ELOVL5: variants seen among roughly 807,000 people sequenced by gnomAD.
ELOVL5 encodes ELOVL fatty acid elongase 5, also known as very long chain fatty acid elongase 5.
ELOVL5 carries 8 observed loss-of-function variants against 38.6 expected under a neutral mutation model. The observed-to-expected ratio is 0.21, with a 90% CI of 0.12 to 0.37. The LOEUF (loss-of-function observed/expected upper bound fraction) is 0.37, where lower values mean the gene tolerates loss of function less well. Ranked by LOEUF, ELOVL5 falls within the 10% of genes least tolerant of loss-of-function variation. ELOVL5 has a pLI of 1.00. For synonymous variants in ELOVL5, 127 were observed against 133.7 expected (o/e 0.95, Z 0.34); for missense variants, 280 against 367.8 (o/e 0.76, Z 1.95).
intron 1 of ELOVL5, among the ~76,000 whole-genome samples, chr6:53,304,096 A>C (rs1767378555): frequency 6.6e-6 from 1 of 152,144 alleles, no homozygotes; most frequent in Admixed American, 6.5e-5. Flanking sequence ...TAGAGTCCAA[A>C]CTCTTTAACG....
chr6:53,316,090 T>C (rs1363395313), intron 1 of ELOVL5, among the ~76,000 whole-genome samples: 1 of 152,216 alleles, frequency 6.6e-6, no homozygotes, highest in African/African-American at 2.4e-5. Flanking sequence ...TAAAATTGTA[T>C]GAAGTGCTTG....
intron 2 of ELOVL5, among the ~76,000 whole-genome samples, chr6:53,294,810 T>C (rs755409929): frequency 2.6e-5 from 4 of 152,178 alleles, no homozygotes; most frequent in Admixed American, 6.5e-5. Context: ...CATCCTGATA[T>C]GTATCATTGC....
chr6:53,335,425 T>A (rs1239045702), intron 1 of ELOVL5, among the ~76,000 whole-genome samples: 1 of 152,158 alleles, frequency 6.6e-6, no homozygotes, highest in Non-Finnish European at 1.5e-5. Context: ...GAGCCTTTGC[T>A]TCAATACCCT....
At chr6:53,335,516 G>A (rs1243071328) in intron 1 of ELOVL5, among the ~76,000 whole-genome samples, 3 of 151,780 alleles carry the variant, frequency 2.0e-5, no homozygotes, top group Non-Finnish European at 4.4e-5. Flanking sequence ...CCACCAGTCT[G>A]ATTTAGGTGT....
chr6:53,326,658 A>T (rs1768554497), intron 1 of ELOVL5, among the ~76,000 whole-genome samples: 1 of 151,890 alleles, frequency 6.6e-6, no homozygotes, highest in African/African-American at 2.4e-5. Flanking sequence ...TTCTAATCAT[A>T]CTCCAAATAC....
chr6:53,341,603 GA>G (rs1436601070), intron 1 of ELOVL5, among the ~76,000 whole-genome samples: 1 of 152,156 alleles, frequency 6.6e-6, no homozygotes, highest in African/African-American at 2.4e-5. Context: ...GAACACTTCA[GA>G]AAAGTGCCTA....
chr6:53,281,359 T>C (rs1391509940), intron 3 of ELOVL5, among the ~76,000 whole-genome samples: 2 of 152,346 alleles, frequency 1.3e-5, no homozygotes, highest in Non-Finnish European at 2.9e-5. Context: ...TCCTCAACTG[T>C]GTATTTTTTA....
At chr6:53,348,467 G>T (rs374337939) in intron 1 of ELOVL5, among the ~76,000 whole-genome samples, 16 of 152,234 alleles carry the variant, frequency 1.1e-4, no homozygotes, top group East Asian at 7.8e-4. Context: ...CCATCCCTCC[G>T]CGTCTGGTGT....
Position 53,268,945 on chromosome 6 carries a change from T to C in ELOVL5, c.*182A>G, listed in dbSNP as rs528347776. 2.7e-4 allele frequency: 168 copies of C among 626,364 alleles called. 1 individual carries two copies. In the Middle Eastern group the frequency reaches 2.7e-3, roughly 10 times the overall value. 38.8% of individuals were successfully genotyped at this position (626,364 alleles called of 1,614,324 possible). A position where few individuals can be genotyped will look rare whatever the true frequency, so the allele number is the denominator to read the frequency against. ...GAGAGCCCAGAAATGTTAGAAATCT[T>C]ATCCCTACTTATATAATCTGTATAC... On this transcript the variant is annotated 3_prime_UTR_variant, in exon 8 of 8. Transcript: ENST00000304434.
intron 3 of ELOVL5, among the ~76,000 whole-genome samples, chr6:53,279,760 A>G (rs891386928): frequency 7.2e-5 from 11 of 152,250 alleles, no homozygotes; most frequent in African/African-American, 2.7e-4. Flanking sequence ...TAATGGGGTC[A>G]TGGAAATTCT....
intron 6 of ELOVL5, 52 bp from the exon 7 acceptor site, chr6:53,270,779 C>G: frequency 6.3e-7 from 1 of 1,598,720 alleles, no homozygotes; most frequent in Non-Finnish European, 8.5e-7. Flanking sequence ...TGGACGAGGC[C>G]CCACACCAGG....
At chr6:53,286,726 T>C (rs1197050298) in intron 3 of ELOVL5, among the ~76,000 whole-genome samples, 1 of 152,240 alleles carries the variant, frequency 6.6e-6, no homozygotes, top group Non-Finnish European at 1.5e-5. Context: ...GAATTACATC[T>C]ATACGACTCA....
rs901418602 is a variant in ELOVL5 at position 53,294,181 on chromosome 6, G to A, written c.58+1461C>T. ...TGGCACATATTCATCCTCCCACACC[G>A]CACAGTGCTTCCCGGGCACCTGACC... is the stretch of plus-strand genomic sequence containing the variant. On this transcript the variant is annotated intron_variant, in intron 2 of 7. Transcript: ENST00000304434. 5.3e-5 allele frequency: 77 copies of A among 1,454,044 alleles called. No individual in the cohort carries two copies. The African/African-American group carries it at 7.3e-4, about 14-fold the overall frequency. The allele number at this position is 1,454,044 out of a possible 1,614,324, so 90.1% of individuals were successfully genotyped here.
chr6:53,343,492 T>A (rs1019659200), intron 1 of ELOVL5, among the ~76,000 whole-genome samples: 2 of 152,152 alleles, frequency 1.3e-5, no homozygotes, highest in Non-Finnish European at 1.5e-5. Context: ...GGATTACAGG[T>A]GTGAGCCACC....
chr6:53,272,753 TG>T (rs1279666339), intron 6 of ELOVL5, among the ~76,000 whole-genome samples: 1 of 152,136 alleles, frequency 6.6e-6, no homozygotes, highest in African/African-American at 2.4e-5. Flanking sequence ...CTCCACTGCA[TG>T]GGGGCTGAGG....
chr6:53,324,068 C>G (rs1642108618), intron 1 of ELOVL5, among the ~76,000 whole-genome samples: 1 of 151,878 alleles, frequency 6.6e-6, no homozygotes, highest in African/African-American at 2.4e-5. Context: ...GCCTGGTCAA[C>G]ATAGTGAAAC....
chr6:53,279,513 T>C (rs1415905297), intron 3 of ELOVL5, among the ~76,000 whole-genome samples: 1 of 152,184 alleles, frequency 6.6e-6, no homozygotes, highest in East Asian at 1.9e-4. Context: ...CTGTGGCTCC[T>C]GCATCTGCAT....
chr6:53,281,760 T>C (rs1183682288), intron 3 of ELOVL5, among the ~76,000 whole-genome samples: 3 of 152,094 alleles, frequency 2.0e-5, no homozygotes, highest in African/African-American at 7.2e-5. Flanking sequence ...ATTTCAAATC[T>C]TTCATGTCCA....
At chr6:53,333,392 T>G (rs1768891782) in intron 1 of ELOVL5, among the ~76,000 whole-genome samples, 1 of 152,186 alleles carries the variant, frequency 6.6e-6, no homozygotes, top group African/African-American at 2.4e-5. Context: ...TAGAGGAAAC[T>G]GACTTGATCT....
Sources: allele counts gnomAD v4.1 joint callset (sites outside exome capture counted in the v4.1 genomes callset), GRCh38; gene constraint gnomAD v4.1.1; transcripts MANE v1.5; gene names NCBI Gene and HGNC (gene_info 2026-07-23, HGNC 2026-07-21).